RGS7: variants seen among roughly 807,000 people sequenced by gnomAD.
RGS7 encodes the protein regulator of G-protein signaling 7.
Under a neutral mutation model 81.1 loss-of-function variants are expected in RGS7, and 27 were observed. That is an observed-to-expected ratio of 0.33 (90% CI 0.25 to 0.46). The LOEUF is 0.46. RGS7 is among the 20% of genes least tolerant of loss of function. RGS7 has a pLI of 1.00. For missense variants in RGS7, 396 were observed against 607.4 expected, an observed-to-expected ratio of 0.65 and a Z score of 3.66; for synonymous variants, 208 against 207.7, an observed-to-expected ratio of 1.00 and a Z score of -0.01.
At chr1:240,858,259 A>G (rs1301012586) in intron 9 of RGS7, among the ~76,000 whole-genome samples, 3 of 152,214 alleles carry the variant, frequency 2.0e-5, no homozygotes, top group African/African-American at 7.2e-5. Flanking sequence ...AATACGAAGG[A>G]GTGGGAATGC....
At position 241,144,213 on chromosome 1, in the gene RGS7, G is replaced by A. The variant is rs189346954; in HGVS notation, c.79-45451C>T. Among the ~76,000 whole-genome samples the A allele has an allele frequency of 3.8e-4, 58 of 152,206 alleles. No homozygotes were observed. The highest frequency in any genetic ancestry group is 1.4e-3 in the African/African-American group (57 of 41,514). Reference sequence around the variant, plus strand: ...TGGAAGCTGAACAACAGTGTCTCCTGTTAAAAAATTCAAATCCTCATCCAA... The same window carrying A: ...TGGAAGCTGAACAACAGTGTCTCCTATTAAAAAATTCAAATCCTCATCCAA... On this transcript the variant is annotated intron_variant, in intron 2 of 18. Coordinates refer to ENST00000440928, the MANE Select transcript of RGS7 (RefSeq NM_001364886.1). This position sits in a 1 kb window ranked among gnomAD's most constrained non-coding sequence, Gnocchi z 4.7.
At chr1:241,105,740 A>G (rs2065052495) in intron 2 of RGS7, among the ~76,000 whole-genome samples, 1 of 152,256 alleles carries the variant, frequency 6.6e-6, no homozygotes, top group Admixed American at 6.5e-5. Flanking sequence ...CTGTAGGCAA[A>G]ACATTTGTTA....
chr1:241,220,971 AAGGAAGGAAGGAAGGAAGG>A (rs2074882637), intron 2 of RGS7, among the ~76,000 whole-genome samples: 3 of 95,870 alleles, frequency 3.1e-5, no homozygotes, highest in South Asian at 3.6e-4. Context: ...GGAAGGAAGG[AAGGAAGGAAGGAAGGAAGG>A]AAGGAAGAGA....
At chr1:241,100,374 CAAAAAA>C (rs753787286) in intron 2 of RGS7, among the ~76,000 whole-genome samples, 64 of 80,496 alleles carry the variant, frequency 8.0e-4, no homozygotes, top group East Asian at 4.5e-3. Flanking sequence ...GACTCCATTT[CAAAAAA>C]AAAAAAAAAA....
At chr1:240,928,642 T>C (rs2148335200) in intron 6 of RGS7, among the ~76,000 whole-genome samples, 1 of 148,082 alleles carries the variant, frequency 6.8e-6, no homozygotes, top group South Asian at 2.2e-4. Context: ...GGAGTCTCAC[T>C]CTGTCATCCA....
At chr1:241,256,500 A>T (rs1879741) in intron 2 of RGS7, among the ~76,000 whole-genome samples, 1 of 151,888 alleles carries the variant, frequency 6.6e-6, no homozygotes. Flanking sequence ...TTCTTCAAGC[A>T]ACTGTCATAC....
intron 4 of RGS7, among the ~76,000 whole-genome samples, chr1:240,967,581 G>GAAAAAAA (rs149860484): frequency 1.4e-5 from 2 of 139,090 alleles, no homozygotes; most frequent in African/African-American, 5.6e-5. Flanking sequence ...GGGGGGGGGG[G>GAAAAAAA]AAAAGGCTGT....
intron 6 of RGS7, among the ~76,000 whole-genome samples, chr1:240,885,854 G>C (rs1396013812): frequency 6.6e-6 from 1 of 152,028 alleles, no homozygotes; most frequent in East Asian, 1.9e-4. Flanking sequence ...CCTGTGACAC[G>C]AGTTTATCTG....
intron 12 of RGS7, 147 bp downstream of exon 12, chr1:240,814,569 T>C (rs568888544): frequency 6.3e-6 from 4 of 635,544 alleles, no homozygotes; most frequent in Admixed American, 2.7e-5. Flanking sequence ...AGTTTTTCTA[T>C]GTGCAAAAAG....
At chr1:240,825,356 C>T (rs977589489) in intron 10 of RGS7, among the ~76,000 whole-genome samples, 1 of 152,144 alleles carries the variant, frequency 6.6e-6, no homozygotes, top group African/African-American at 2.4e-5. Context: ...GGCTTGGAGT[C>T]GGATAACCTT....
At chr1:241,034,120 A>C (rs1367379923) in intron 3 of RGS7, among the ~76,000 whole-genome samples, 1 of 152,226 alleles carries the variant, frequency 6.6e-6, no homozygotes, top group Non-Finnish European at 1.5e-5. Flanking sequence ...AGAAATGCAT[A>C]ATGACACTTC....
At chr1:240,792,596 C>T (rs965678450) in intron 18 of RGS7, among the ~76,000 whole-genome samples, 1 of 152,160 alleles carries the variant, frequency 6.6e-6, no homozygotes, top group African/African-American at 2.4e-5. Context: ...GTTTAGCAGG[C>T]AGGTCTCTTG....
At chr1:241,218,811 A>AT (rs372610236) in intron 2 of RGS7, among the ~76,000 whole-genome samples, 1,730 of 149,294 alleles carry the variant, frequency 0.012, 27 homozygotes, top group African/African-American at 0.029. Flanking sequence ...CACCTGGCTA[A>AT]TTTTTTTTTT....
intron 3 of RGS7, among the ~76,000 whole-genome samples, chr1:241,059,049 T>G (rs939791375): frequency 6.6e-6 from 1 of 152,192 alleles, no homozygotes; most frequent in African/African-American, 2.4e-5. Flanking sequence ...CATCTAATAT[T>G]GTTAACTATC....
chr1:240,827,520 C>T (rs1001282543), intron 9 of RGS7, among the ~76,000 whole-genome samples: 9 of 152,130 alleles, frequency 5.9e-5, no homozygotes, highest in Non-Finnish European at 8.8e-5. Context: ...AAGAGATACC[C>T]CTTGCTGGTT....
intron 2 of RGS7, among the ~76,000 whole-genome samples, chr1:241,113,611 C>A (rs989958701): frequency 6.6e-6 from 1 of 152,208 alleles, no homozygotes; most frequent in Admixed American, 6.5e-5. Context: ...ACTTTGATAA[C>A]CTCTGGTGTA....
chr1:241,073,051 C>G (rs112113090), intron 3 of RGS7, among the ~76,000 whole-genome samples: 3 of 152,294 alleles, frequency 2.0e-5, no homozygotes, highest in African/African-American at 7.2e-5. Flanking sequence ...TCTCATGGTG[C>G]TGAGTTCCAT....
At chr1:240,890,652 T>G (rs1668146101) in intron 6 of RGS7, among the ~76,000 whole-genome samples, 1 of 152,120 alleles carries the variant, frequency 6.6e-6, no homozygotes, top group Admixed American at 6.5e-5. Context: ...CCAGGCACTG[T>G]GATTGTGCTT....
At chr1:240,811,500 C>T (rs12036892) in intron 14 of RGS7, among the ~76,000 whole-genome samples, 71,484 of 152,138 alleles carry the variant, frequency 0.47, 18,456 homozygotes, top group Non-Finnish European at 0.58. Flanking sequence ...TTTGATATAG[C>T]TGCCCAGTCT....
Sources: gnomAD v4.1 joint callset for allele counts (sites outside exome capture counted in the v4.1 genomes callset) on GRCh38, gnomAD v4.1.1 for gene constraint, Gnocchi (gnomAD v3.1) non-coding constraint, MANE v1.5 for transcripts, NCBI Gene and HGNC (gene_info 2026-07-23, HGNC 2026-07-21) for gene names.